The following NEGR1 variants were observed in gnomAD, a reference collection of about 807,000 sequenced individuals.
NEGR1 encodes neuronal growth regulator 1, also known as IgLON family member 4.
NEGR1 carries 10 observed loss-of-function variants against 40.9 expected under a neutral mutation model. That is an observed-to-expected ratio of 0.24 (90% CI 0.15 to 0.42). The LOEUF (loss-of-function observed/expected upper bound fraction) is 0.42, where lower values mean the gene tolerates loss of function less well. Ranked by LOEUF, NEGR1 falls within the 10% of genes least tolerant of loss-of-function variation. NEGR1 has a pLI of 1.00. For missense variants in NEGR1, 352 were observed against 438.9 expected, an observed-to-expected ratio of 0.80 and a Z score of 1.77; for synonymous variants, 185 against 166.8, an observed-to-expected ratio of 1.11 and a Z score of -0.84.
intron 1 of NEGR1, among the ~76,000 whole-genome samples, chr1:72,196,659 ACAAG>A (rs781249988): frequency 0.18 from 19,619 of 108,014 alleles, 1,672 homozygotes; most frequent in Non-Finnish European, 0.24. Flanking sequence ...AATCCCAGTT[ACAAG>A]TGATCAAGGA....
At chr1:71,926,650 A>AC in intron 2 of NEGR1, among the ~76,000 whole-genome samples, 1 of 147,270 alleles carries the variant, frequency 6.8e-6, no homozygotes, top group East Asian at 2.0e-4. Flanking sequence ...TATCAATATG[A>AC]TTTTTTTTTT....
At chr1:71,711,379 A>G (rs1380462736) in intron 3 of NEGR1, among the ~76,000 whole-genome samples, 2 of 146,962 alleles carry the variant, frequency 1.4e-5, no homozygotes, top group African/African-American at 5.0e-5. Flanking sequence ...AGACACCCAG[A>G]TGGTAAATAG....
intron 6 of NEGR1, among the ~76,000 whole-genome samples, chr1:71,576,440 A>T (rs980974877): frequency 6.6e-6 from 1 of 152,212 alleles, no homozygotes; most frequent in African/African-American, 2.4e-5. Flanking sequence ...ATGAAGAAGA[A>T]TGTGAATCAC....
At chr1:72,090,787 A>T (rs1172600152) in intron 1 of NEGR1, among the ~76,000 whole-genome samples, 1 of 152,104 alleles carries the variant, frequency 6.6e-6, no homozygotes, top group Non-Finnish European at 1.5e-5. Flanking sequence ...CCCTGGGTAA[A>T]CTAGAGAGCT....
intron 1 of NEGR1, among the ~76,000 whole-genome samples, chr1:72,280,029 T>C (rs1656188315): frequency 6.6e-6 from 1 of 152,150 alleles, no homozygotes; most frequent in Admixed American, 6.5e-5. Context: ...GTTAGAAACA[T>C]TATTGAGAAG....
chr1:71,972,124 T>G (rs1040690374), intron 1 of NEGR1, among the ~76,000 whole-genome samples: 1 of 152,192 alleles, frequency 6.6e-6, no homozygotes, highest in African/African-American at 2.4e-5. Flanking sequence ...TAGTCATAAA[T>G]TATAGGTGAA....
chr1:71,524,254 C>A (rs989894342), intron 6 of NEGR1, among the ~76,000 whole-genome samples: 1 of 150,966 alleles, frequency 6.6e-6, no homozygotes, highest in Non-Finnish European at 1.5e-5. Flanking sequence ...CTCTAACTAT[C>A]AGTGGGCCAG....
intron 2 of NEGR1, among the ~76,000 whole-genome samples, chr1:71,874,498 G>T (rs1660369143): frequency 6.6e-6 from 1 of 152,070 alleles, no homozygotes; most frequent in Admixed American, 6.6e-5. Context: ...AACTTCCACA[G>T]CCATTCATTC....
intron 4 of NEGR1, among the ~76,000 whole-genome samples, chr1:71,678,134 CA>C (rs1487297923): frequency 6.6e-6 from 1 of 151,944 alleles, no homozygotes; most frequent in Non-Finnish European, 1.5e-5. Context: ...ACCTCCAAAA[CA>C]ATGTATGTAA....
intron 1 of NEGR1, among the ~76,000 whole-genome samples, chr1:71,972,714 T>G (rs2100321628): frequency 6.6e-6 from 1 of 152,268 alleles, no homozygotes; most frequent in Middle Eastern, 3.4e-3. Flanking sequence ...ATGCTTGGGA[T>G]GCTATGAAAT....
chr1:71,608,918 T>C (rs1310956689), intron 5 of NEGR1, among the ~76,000 whole-genome samples: 2 of 152,206 alleles, frequency 1.3e-5, no homozygotes, highest in Non-Finnish European at 2.9e-5. Flanking sequence ...ACCACTTTTC[T>C]GGATATTTGT....
In NEGR1 at chr1:71,398,645, A is replaced by G. The variant is rs1277782195; in HGVS notation, c.*8801T>C. 1 of 152,144 alleles carries G rather than the reference A, an allele frequency of 6.6e-6. No homozygotes were observed. The highest frequency in any genetic ancestry group is 1.9e-4 in the East Asian group (1 of 5,180). 9.4% of individuals were successfully genotyped at this position (152,144 alleles called of 1,614,324 possible). The stretch of plus-strand genomic sequence containing the variant: ...TGAGACTTTAGACTGTGGACTTTTG[A>G]GATAGTGCTGAAATGAGTTAAGACT... On this transcript the variant is annotated 3_prime_UTR_variant, in exon 7 of 7. Transcript: ENST00000357731.
At chr1:72,164,306 T>TTTTA (rs981135791) in intron 1 of NEGR1, among the ~76,000 whole-genome samples, 15 of 151,962 alleles carry the variant, frequency 9.9e-5, no homozygotes, top group Non-Finnish European at 1.9e-4. Context: ...TTTTTTAAAT[T>TTTTA]TTTATTTATT....
intron 1 of NEGR1, among the ~76,000 whole-genome samples, chr1:72,242,954 A>C (rs1654794495): frequency 6.6e-6 from 1 of 151,744 alleles, no homozygotes; most frequent in Non-Finnish European, 1.5e-5. Flanking sequence ...TATGTTTAAT[A>C]AAAGTAATAT....
At chr1:72,077,395 T>G (rs1006404885) in intron 1 of NEGR1, among the ~76,000 whole-genome samples, 2 of 152,058 alleles carry the variant, frequency 1.3e-5, no homozygotes, top group African/African-American at 4.8e-5. Context: ...TGAAGCTCCC[T>G]TTTTCTTGTC....
chr1:71,971,571 T>A (rs1646256941), intron 1 of NEGR1, among the ~76,000 whole-genome samples: 1 of 152,192 alleles, frequency 6.6e-6, no homozygotes, highest in Non-Finnish European at 1.5e-5. Context: ...CTGTTGTAAG[T>A]TAAAGTACTA....
chr1:71,784,015 A>G (rs1376842380), intron 2 of NEGR1, among the ~76,000 whole-genome samples: 1 of 152,136 alleles, frequency 6.6e-6, no homozygotes, highest in Non-Finnish European at 1.5e-5. Flanking sequence ...TGTATTGGGA[A>G]CACAGATTTG....
At chr1:72,131,081 T>G (rs1557542125) in intron 1 of NEGR1, among the ~76,000 whole-genome samples, 1 of 152,192 alleles carries the variant, frequency 6.6e-6, no homozygotes, top group Non-Finnish European at 1.5e-5. Context: ...GCAAATACTT[T>G]TACATTTTAA....
At chr1:71,813,900 C>A (rs369756664) in intron 2 of NEGR1, among the ~76,000 whole-genome samples, 1 of 151,956 alleles carries the variant, frequency 6.6e-6, no homozygotes, top group African/African-American at 2.4e-5. Flanking sequence ...GACTTCCTCC[C>A]TTCCTATTTG....
Sources: gnomAD v4.1 joint callset for allele counts (sites outside exome capture counted in the v4.1 genomes callset) on GRCh38, gnomAD v4.1.1 for gene constraint, MANE v1.5 for transcripts, NCBI Gene and HGNC (gene_info 2026-07-23, HGNC 2026-07-21) for gene names.